Variants in HSD17B11 observed in about 807,000 individuals in gnomAD.
The protein encoded by HSD17B11 is estradiol 17-beta-dehydrogenase 11.
A neutral mutation model predicts 27.8 loss-of-function variants in HSD17B11; 22 were observed. That is an observed-to-expected ratio of 0.79 (90% CI 0.56 to 1.13). The LOEUF is 1.13. Among genes scored for constraint, HSD17B11 ranks in the 50% most tolerant of loss-of-function variants. The probability of loss-of-function intolerance (pLI) is 0.00; values close to 1 mark genes in which losing one functional copy is unlikely to be tolerated. For missense variants in HSD17B11, 314 were observed against 351.1 expected (o/e 0.89, Z 0.84); for synonymous variants, 117 against 132.8 (o/e 0.88, Z 0.82).
intron 5 of HSD17B11, among the ~76,000 whole-genome samples, chr4:87,356,034 A>G (rs1356314962): frequency 6.6e-6 from 1 of 152,230 alleles, no homozygotes; most frequent in Non-Finnish European, 1.5e-5. Flanking sequence ...ATATGCGAAC[A>G]TGAATGTAGC....
chr4:87,356,137 G>A (rs72652028), intron 5 of HSD17B11, among the ~76,000 whole-genome samples: 27,633 of 152,052 alleles, frequency 0.18, 2,705 homozygotes, highest in African/African-American at 0.25. Flanking sequence ...AAGAAGTAGA[G>A]AGTAAGTTGC....
chr4:87,357,331 ATGT>A lies in HSD17B11; in HGVS notation c.640_642del (p.Thr214del), dbSNP rs1423172034. 6.2e-7 allele frequency: 1 copy of A among 1,612,834 alleles called. No individual in the cohort carries two copies. Among genetic ancestry groups the A allele is most frequent in the Non-Finnish European group, 8.5e-7 (1 of 1,179,628 alleles). On this transcript the variant is annotated inframe_deletion, in exon 5 of 7. Coordinates refer to ENST00000358290, the MANE Select transcript of HSD17B11 (RefSeq NM_016245.5). ...GTGTTTACGAAATTAGGACACAGAC[ATGT>A]TGTTTTGACTCCAGTTATTTGTAAG...
chr4:87,363,347 A>G (rs376661736), intron 4 of HSD17B11, among the ~76,000 whole-genome samples: 1 of 152,232 alleles, frequency 6.6e-6, no homozygotes, highest in East Asian at 1.9e-4. Flanking sequence ...GACTTAATTA[A>G]TGCGAAAAAG....
intron 1 of HSD17B11, among the ~76,000 whole-genome samples, chr4:87,382,681 TA>T (rs1720207452): frequency 6.6e-6 from 1 of 152,220 alleles, no homozygotes; most frequent in African/African-American, 2.4e-5. Flanking sequence ...TATCAGGCTT[TA>T]AAAAATGTAA....
At chr4:87,372,052 C>T (rs532434932) in intron 4 of HSD17B11, among the ~76,000 whole-genome samples, 1 of 152,030 alleles carries the variant, frequency 6.6e-6, no homozygotes, top group Non-Finnish European at 1.5e-5. Context: ...ACCATCCTGG[C>T]TAACACAGTG....
chr4:87,341,640 C>A (rs77640613), intron 5 of HSD17B11, among the ~76,000 whole-genome samples: 1 of 151,896 alleles, frequency 6.6e-6, no homozygotes, highest in Non-Finnish European at 1.5e-5. Context: ...GCGGGTGGAG[C>A]GCTTGAGCCC....
chr4:87,365,917 C>A (rs1213921117), intron 4 of HSD17B11: 1 of 152,002 alleles, frequency 6.6e-6, no homozygotes, highest in Middle Eastern at 3.4e-3. Context: ...AGTGCAATGG[C>A]GTGATCTTGA....
At chr4:87,341,131 T>C (rs1332963668) in intron 5 of HSD17B11, among the ~76,000 whole-genome samples, 1 of 152,092 alleles carries the variant, frequency 6.6e-6, no homozygotes, top group African/African-American at 2.4e-5. Flanking sequence ...TATGCTTATA[T>C]TTATTAGGTC....
In HSD17B11 at chr4:87,378,945, TATTTATATATATATA is replaced by T. The variant is rs1560769646; in HGVS notation, c.318+3295_318+3309del. 7.4e-3 allele frequency among the ~76,000 whole-genome samples: 198 copies of T among 26,842 alleles called. 13 individuals carry two copies. Among genetic ancestry groups the T allele is most frequent in the African/African-American group, 0.01 (38 of 3,704 alleles). 17.6% of individuals were successfully genotyped at this position (26,842 alleles called of 152,430 possible). The stretch of plus-strand genomic sequence containing the variant: ...ATATATATAAATATATATATATATA[TATTTATATATATATA>T]TTTTTTTTTTTTTTTGAGATGGTGT... On this transcript the variant is annotated intron_variant, in intron 2 of 6. Coordinates refer to ENST00000358290, the MANE Select transcript of HSD17B11 (RefSeq NM_016245.5).
rs57047986 is a variant in HSD17B11 at position 87,370,755 on chromosome 4, A to ATTTTTTT, written c.557+1947_557+1953dup. Among the ~76,000 whole-genome samples the ATTTTTTT allele has an allele frequency of 1.7e-3, 100 of 57,502 alleles. 5 individuals are homozygous for ATTTTTTT. Among genetic ancestry groups the ATTTTTTT allele is most frequent in the East Asian group, 0.01 (25 of 2,436 alleles). 37.7% of individuals were successfully genotyped at this position (57,502 alleles called of 152,430 possible). A position where few individuals can be genotyped will look rare whatever the true frequency, so the allele number is the denominator to read the frequency against. ...TATTATTATTATTATTATTATTATT[A>ATTTTTTT]TTTTTTTTTTTTTTTGAGACGGAGT... On this transcript the variant is annotated intron_variant, in intron 4 of 6. Transcript: ENST00000358290.
intron 2 of HSD17B11, among the ~76,000 whole-genome samples, chr4:87,378,843 T>TAA (rs1451976279): frequency 6.9e-5 from 2 of 29,138 alleles, no homozygotes; most frequent in South Asian, 1.3e-3. Flanking sequence ...TATATATATA[T>TAA]AAATATATAT....
intron 5 of HSD17B11, among the ~76,000 whole-genome samples, chr4:87,355,405 G>A (rs910650345): frequency 7.2e-5 from 11 of 151,994 alleles, no homozygotes; most frequent in African/African-American, 2.4e-4. Context: ...AACTTGGAAT[G>A]AGAAAGACCT....
At chr4:87,378,909 TATATATATAAATATATATAA>T (rs1560769412) in intron 2 of HSD17B11, among the ~76,000 whole-genome samples, 219 of 19,090 alleles carry the variant, frequency 0.011, 10 homozygotes, top group East Asian at 0.081. Context: ...TATATAAATA[TATATATATAAATATATATAA>T]ATATATATAT....
chr4:87,364,129 G>T (rs1735573872), intron 4 of HSD17B11, among the ~76,000 whole-genome samples: 1 of 151,118 alleles, frequency 6.6e-6, no homozygotes, highest in African/African-American at 2.4e-5. Flanking sequence ...TCAGTCAAGT[G>T]AATTATTTTT....
intron 5 of HSD17B11, among the ~76,000 whole-genome samples, chr4:87,341,592 C>T (rs1028041921): frequency 4.6e-5 from 7 of 152,140 alleles, no homozygotes; most frequent in Admixed American, 2.6e-4. Context: ...ACGGTTCAGG[C>T]CTGTATCCCC....
At chr4:87,356,847 C>T (rs1735395804) in intron 5 of HSD17B11, among the ~76,000 whole-genome samples, 1 of 152,112 alleles carries the variant, frequency 6.6e-6, no homozygotes, top group Non-Finnish European at 1.5e-5. Context: ...CTTGGGTTAT[C>T]TCTATCAGAA....
Position 87,390,991 on chromosome 4 carries a change from A to G in HSD17B11, c.80T>C (p.Ile27Thr), listed in dbSNP as rs867071233. ...CSLESFVKLF[I>T]PKRRKSVTGE... The stretch of plus-strand genomic sequence containing the variant: ...GGTGACTGATTTTCTCCTCTTAGGA[A>G]TAAAAAGCTTCACGAAGGACTCTAG... The change falls in exon 1 of 7, where the codon ATT (isoleucine) becomes ACT (threonine). Residue 27 changes from isoleucine to threonine, a missense_variant. Physicochemically the swap from Ile to Thr is moderately conservative, Grantham distance 89. Coordinates refer to ENST00000358290, the MANE Select transcript of HSD17B11 (RefSeq NM_016245.5). 1.1e-5 allele frequency: 17 copies of G among 1,614,066 alleles called. No homozygotes were observed. The highest frequency in any genetic ancestry group is 3.3e-4 in the Middle Eastern group (2 of 6,082).
chr4:87,382,518 G>A (rs1474340565), intron 1 of HSD17B11, among the ~76,000 whole-genome samples, 156 bp from the exon 2 acceptor site: 1 of 152,116 alleles, frequency 6.6e-6, no homozygotes. Context: ...AGGTATATAG[G>A]CACATTTTGC....
chr4:87,379,223 T>C (rs1720061874), intron 2 of HSD17B11, among the ~76,000 whole-genome samples: 1 of 149,502 alleles, frequency 6.7e-6, no homozygotes, highest in Non-Finnish European at 1.5e-5. Flanking sequence ...GATCTCGAAC[T>C]CCTGAGCTCA....
Sources: gnomAD v4.1 joint callset for allele counts (sites outside exome capture counted in the v4.1 genomes callset) on GRCh38, gnomAD v4.1.1 for gene constraint, MANE v1.5 for transcripts, NCBI Gene and HGNC (gene_info 2026-07-23, HGNC 2026-07-21) for gene names.